DOCK8: variants seen among roughly 807,000 people sequenced by gnomAD.
DOCK8 encodes the protein dedicator of cytokinesis protein 8.
Under a neutral mutation model 245.6 loss-of-function variants are expected in DOCK8, and 141 were observed. The observed-to-expected ratio is 0.57, with a 90% CI of 0.50 to 0.66. DOCK8 has a LOEUF of 0.66. Ranked by LOEUF, DOCK8 falls within the 30% of genes least tolerant of loss-of-function variation. The pLI is 0.00. For synonymous variants in DOCK8, 1,168 were observed against 970.2 expected (o/e 1.20, Z -3.79); for missense variants, 2,965 against 2,603.4 (o/e 1.14, Z -3.02).
At chr9:419,454 TA>T (rs1275137246) in intron 30 of DOCK8, among the ~76,000 whole-genome samples, 1 of 152,332 alleles carries the variant, frequency 6.6e-6, no homozygotes, top group African/African-American at 2.4e-5. Context: ...TATTTGCCTC[TA>T]AGGGAAAAAC....
intron 36 of DOCK8, among the ~76,000 whole-genome samples, chr9:430,669 CA>C (rs60963121): frequency 8.2e-4 from 113 of 137,102 alleles, no homozygotes; most frequent in Non-Finnish European, 6.9e-4. Context: ...GACCCTGTCT[CA>C]AAAAAAAAAA....
rs565349233 is a variant in DOCK8, at chr9:399,051, A to G, written c.3121-95A>G. On this transcript the variant is annotated intron_variant, in intron 25 of 47. Transcript: ENST00000432829. ...ACCCAGAAGGACAGTGGCTGAAATA[A>G]TAGGACCTGTCTCTCCCAATGTTCC... The G allele has an allele frequency of 4.1e-5, 47 of 1,150,482 alleles. No homozygotes were observed. In the South Asian group the frequency reaches 5.1e-4, roughly 12 times the overall value. The allele number at this position is 1,150,482 out of a possible 1,614,324, so 71.3% of individuals were successfully genotyped here. A position where few individuals can be genotyped will look rare whatever the true frequency, so the allele number is the denominator to read the frequency against.
chr9:218,534 C>G (rs539341772), intron 1 of DOCK8, among the ~76,000 whole-genome samples: 5 of 152,236 alleles, frequency 3.3e-5, no homozygotes, highest in African/African-American at 1.2e-4. Flanking sequence ...ATTTCAGGTG[C>G]TGCTGCATTA....
At chr9:444,335 A>AATAATAATAATAAT (rs2057181875) in intron 43 of DOCK8, among the ~76,000 whole-genome samples, 3 of 143,622 alleles carry the variant, frequency 2.1e-5, no homozygotes, top group African/African-American at 7.6e-5. Flanking sequence ...AAAACAAAGC[A>AATAATAATAATAAT]AATAATAATA....
chr9:260,546 C>G lies in DOCK8; in HGVS notation c.54-11081C>G, dbSNP rs12352690. Among the ~76,000 whole-genome samples, 508 of 152,276 alleles carry G rather than the reference C, an allele frequency of 3.3e-3. 2 individuals are homozygous for G. The highest frequency in any genetic ancestry group is 0.012 in the African/African-American group (485 of 41,554). On this transcript the variant is annotated intron_variant, in intron 1 of 47. Coordinates refer to ENST00000432829, the MANE Select transcript of DOCK8 (RefSeq NM_203447.4). ...TAAAATACTCTGAAGGACTAATACA[C>G]AAACACTTTCACCCAGCAATTCCAA... is the stretch of plus-strand genomic sequence containing the variant.
chr9:224,283 A>G, intron 1 of DOCK8, among the ~76,000 whole-genome samples: 1 of 152,200 alleles, frequency 6.6e-6, no homozygotes, highest in East Asian at 1.9e-4. Flanking sequence ...CCCCCGATGA[A>G]TATACCCACG....
At chr9:339,442 C>T (rs2051471310) in intron 13 of DOCK8, among the ~76,000 whole-genome samples, 1 of 152,282 alleles carries the variant, frequency 6.6e-6, no homozygotes, top group Admixed American at 6.5e-5. Context: ...AAGGCAAAGG[C>T]ATCTTCCTTA....
intron 33 of DOCK8, among the ~76,000 whole-genome samples, chr9:424,076 TTA>T (rs1224493473): frequency 1.9e-4 from 27 of 142,856 alleles, no homozygotes; most frequent in East Asian, 1.0e-3. Flanking sequence ...TTTTTTTTTT[TTA>T]AAAGGGAAAC....
chr9:225,924 G>A (rs2046979055), intron 1 of DOCK8, among the ~76,000 whole-genome samples: 1 of 152,148 alleles, frequency 6.6e-6, no homozygotes, highest in Admixed American at 6.5e-5. Flanking sequence ...GAACTGGTCT[G>A]TCTCTAGTGG....
intron 11 of DOCK8, 27 bp downstream of exon 11, chr9:334,411 G>A (rs113304549): frequency 1.2e-6 from 2 of 1,609,420 alleles, no homozygotes; most frequent in Non-Finnish European, 1.7e-6. Context: ...CAGTGGGAAA[G>A]GGAGGGCTCC....
chr9:274,283 C>A (rs114789888), intron 2 of DOCK8, among the ~76,000 whole-genome samples: 1 of 152,074 alleles, frequency 6.6e-6, no homozygotes, highest in Non-Finnish European at 1.5e-5. Context: ...CATGTTCCTA[C>A]CTGTCATCAT....
chr9:399,724 C>T (rs1294665614), intron 26 of DOCK8, among the ~76,000 whole-genome samples: 1 of 152,044 alleles, frequency 6.6e-6, no homozygotes, highest in African/African-American at 2.4e-5. Flanking sequence ...TTTAATTTCA[C>T]TGAGCACATA....
intron 24 of DOCK8, among the ~76,000 whole-genome samples, chr9:394,792 C>G (rs1313236775): frequency 2.0e-5 from 3 of 152,228 alleles, no homozygotes; most frequent in African/African-American, 7.2e-5. Context: ...CCCCACTCAA[C>G]AGGGCCAGGC....
chr9:376,294 G>C lies in DOCK8; in HGVS notation c.2194G>C (p.Val732Leu). 2.5e-6 allele frequency: 4 copies of C among 1,610,658 alleles called. No individual in the cohort carries two copies. The highest frequency in any genetic ancestry group is 3.4e-6 in the Non-Finnish European group (4 of 1,176,938). The change falls in exon 19 of 48, where the codon GTA (valine) becomes CTA (leucine). Residue 732 changes from valine to leucine, a missense_variant. Physicochemically the swap from Val to Leu is conservative, Grantham distance 32. This residue lies in a region of DOCK8 where 2,825 missense variants were observed against 2,453.5 expected (regional missense o/e 1.15). Transcript: ENST00000432829. ...TATTGAAGTGCAAGCTGTTTCTTCT[G>C]TACACACCCAGGTAAGGAATGTCAA... is the stretch of plus-strand genomic sequence containing the variant. ...FNIEVQAVSSVHTQDNHLEKF... is the reference protein window; with the variant it reads ...FNIEVQAVSSLHTQDNHLEKF...
chr9:285,925 G>A (rs530265362), intron 2 of DOCK8, among the ~76,000 whole-genome samples: 15 of 152,250 alleles, frequency 9.9e-5, no homozygotes, highest in Admixed American at 2.6e-4. Context: ...TTCAGCCACC[G>A]AAACACTCGG....
intron 4 of DOCK8, among the ~76,000 whole-genome samples, chr9:296,593 TG>T (rs1372325960): frequency 2.0e-5 from 3 of 152,204 alleles, no homozygotes; most frequent in African/African-American, 7.2e-5. Flanking sequence ...CCCAGTGAAG[TG>T]GTAAACAATT....
chr9:333,404 A>T (rs1039333899), intron 10 of DOCK8, among the ~76,000 whole-genome samples: 1 of 152,142 alleles, frequency 6.6e-6, no homozygotes, highest in Non-Finnish European at 1.5e-5. Flanking sequence ...GATTGAGACC[A>T]TCCTGGCCAA....
At chr9:370,136 C>G (rs557513488) in intron 15 of DOCK8, 94 bp from the exon 16 acceptor site, 1 of 1,095,880 alleles carries the variant, frequency 9.1e-7, no homozygotes, top group South Asian at 1.3e-5. Context: ...AAATGCAGCT[C>G]TATGAGACCA....
intron 1 of DOCK8, among the ~76,000 whole-genome samples, chr9:249,313 C>G (rs2047592674): frequency 6.6e-6 from 1 of 152,190 alleles, no homozygotes; most frequent in Admixed American, 6.5e-5. Flanking sequence ...GAAGTCACCA[C>G]CCAAGCCTTA....
Sources: allele counts gnomAD v4.1 joint callset (sites outside exome capture counted in the v4.1 genomes callset), GRCh38; gene constraint gnomAD v4.1.1; regional missense constraint gnomAD v4.1.1; transcripts MANE v1.5; gene names NCBI Gene and HGNC (gene_info 2026-07-23, HGNC 2026-07-21).